The following MRAP2 variants were observed in gnomAD, a reference collection of about 807,000 sequenced individuals.
MRAP2 encodes melanocortin-2 receptor accessory protein 2.
MRAP2 carries 20 observed loss-of-function variants against 17.4 expected under a neutral mutation model. The observed-to-expected ratio is 1.15, with a 90% CI of 0.81 to 1.67. The LOEUF is 1.67. Among genes scored for constraint, MRAP2 ranks in the 40% most tolerant of loss-of-function variants. MRAP2 has a pLI of 0.00. For missense variants in MRAP2, 238 were observed against 240.0 expected (o/e 0.99, Z 0.05); for synonymous variants, 96 against 88.4 (o/e 1.09, Z -0.48).
intron 1 of MRAP2, among the ~76,000 whole-genome samples, chr6:84,038,357 A>C (rs1404312540): frequency 2.0e-5 from 3 of 152,196 alleles, no homozygotes; most frequent in African/African-American, 7.2e-5. Flanking sequence ...ACCTTCCCCC[A>C]ACCCCAGCAG....
intron 1 of MRAP2, among the ~76,000 whole-genome samples, chr6:84,042,582 C>T (rs1301785301): frequency 6.6e-6 from 1 of 152,208 alleles, no homozygotes; most frequent in Non-Finnish European, 1.5e-5. Context: ...ACCCTTAGAC[C>T]TTGGCAAGCT....
At chr6:84,136,751 T>C in the MRAP2 span, among the ~76,000 whole-genome samples, 1 of 152,230 alleles carries the variant, frequency 6.6e-6, no homozygotes, top group Non-Finnish European at 1.5e-5. Flanking sequence ...CTTATTTAAC[T>C]TGATAGCTGT....
chr6:84,116,020 AT>A, the MRAP2 span, among the ~76,000 whole-genome samples: 2 of 152,130 alleles, frequency 1.3e-5, no homozygotes, highest in African/African-American at 4.8e-5. Flanking sequence ...AGCTGTTTCT[AT>A]TTGGCCATCT....
Position 84,062,661 on chromosome 6 carries a change from T to C in MRAP2, c.128-232T>C, listed in dbSNP as rs113791307. The C allele has an allele frequency of 5.6e-3, 5,483 of 985,286 alleles. 243 individuals are homozygous for C. In the African/African-American group the frequency reaches 0.089, roughly 16 times the overall value. The allele number at this position is 985,286 out of a possible 1,614,324, so 61.0% of individuals were successfully genotyped here. A position where few individuals can be genotyped will look rare whatever the true frequency, so the allele number is the denominator to read the frequency against. ...TTCCTTGAGATATGGAAAGCATGAG[T>C]CAATGAGGCCTAAATCCCTTCATGC... On this transcript the variant is annotated intron_variant, in intron 2 of 3. Transcript: ENST00000257776.
At chr6:84,102,892 T>C in the MRAP2 span, among the ~76,000 whole-genome samples, 1 of 152,202 alleles carries the variant, frequency 6.6e-6, no homozygotes, top group African/African-American at 2.4e-5. Flanking sequence ...TTGTAGACTA[T>C]TTGGAGTGAT....
intron 2 of MRAP2, among the ~76,000 whole-genome samples, chr6:84,058,746 A>G (rs1387717040): frequency 6.6e-6 from 1 of 152,222 alleles, no homozygotes; most frequent in Non-Finnish European, 1.5e-5. Flanking sequence ...TACAGAAAGT[A>G]GGAAGAAAAC....
At chr6:84,064,603 T>G (rs1025052085) in intron 3 of MRAP2, among the ~76,000 whole-genome samples, 1 of 152,098 alleles carries the variant, frequency 6.6e-6, no homozygotes, top group African/African-American at 2.4e-5. Context: ...TTCTCCTGCC[T>G]CAGCCTCCCC....
At chr6:84,092,986 C>CTT (rs1285510695), downstream of MRAP2, among the ~76,000 whole-genome samples, 1 of 152,200 alleles carries the variant, frequency 6.6e-6, no homozygotes, top group Non-Finnish European at 1.5e-5. Flanking sequence ...TCTTTTGTGA[C>CTT]TTCTGGCTAC....
chr6:84,078,981 C>T (rs1487263858), intron 3 of MRAP2, among the ~76,000 whole-genome samples: 2 of 152,208 alleles, frequency 1.3e-5, no homozygotes, highest in East Asian at 3.9e-4. Context: ...TAAAATGGTA[C>T]AACTACTTTG....
At chr6:84,049,446 CAAACA>C (rs911803277) in intron 1 of MRAP2, among the ~76,000 whole-genome samples, 8 of 151,928 alleles carry the variant, frequency 5.3e-5, no homozygotes, top group Admixed American at 6.6e-5. Context: ...ACACAAAAAA[CAAACA>C]AAACAACAAC....
the MRAP2 span, among the ~76,000 whole-genome samples, chr6:84,134,209 C>T: frequency 6.6e-5 from 10 of 152,318 alleles, no homozygotes; most frequent in African/African-American, 1.9e-4. Flanking sequence ...CCACTCCCCC[C>T]ACCAAGCTTG....
chr6:84,143,840 T>C, the MRAP2 span, among the ~76,000 whole-genome samples: 2 of 152,018 alleles, frequency 1.3e-5, no homozygotes, highest in Non-Finnish European at 2.9e-5. Context: ...TCTTTACCTT[T>C]AAGTTAATTT....
the MRAP2 span, among the ~76,000 whole-genome samples, chr6:84,120,856 TA>T: frequency 6.6e-6 from 1 of 152,144 alleles, no homozygotes; most frequent in Non-Finnish European, 1.5e-5. Context: ...TTCTTTTACG[TA>T]AAAAATAGCA....
At chr6:84,047,922 A>G (rs1310190661) in intron 1 of MRAP2, among the ~76,000 whole-genome samples, 3 of 152,192 alleles carry the variant, frequency 2.0e-5, no homozygotes, top group Non-Finnish European at 2.9e-5. Flanking sequence ...AATGTTTTCA[A>G]CGTTCATCAA....
chr6:84,070,828 T>A (rs1197256680), intron 3 of MRAP2, among the ~76,000 whole-genome samples: 1 of 152,198 alleles, frequency 6.6e-6, no homozygotes, highest in African/African-American at 2.4e-5. Flanking sequence ...TCCCTCTTTG[T>A]CTCTTTTAAC....
At chr6:84,114,658 G>C in the MRAP2 span, among the ~76,000 whole-genome samples, 1 of 152,044 alleles carries the variant, frequency 6.6e-6, no homozygotes, top group Non-Finnish European at 1.5e-5. Context: ...GAGGCATTCT[G>C]GTTTTTAGAA....
At chr6:84,118,001 G>A in the MRAP2 span, among the ~76,000 whole-genome samples, 78 of 152,342 alleles carry the variant, frequency 5.1e-4, 1 homozygote, top group East Asian at 0.013. Context: ...GCATTTTGGT[G>A]GAACAGTTGT....
intron 3 of MRAP2, among the ~76,000 whole-genome samples, chr6:84,067,737 T>C (rs1454940607): frequency 6.7e-6 from 1 of 149,312 alleles, no homozygotes; most frequent in African/African-American, 2.5e-5. Context: ...ATTGTTTTTT[T>C]TTTTTTTTTT....
At chr6:84,116,884 T>G in the MRAP2 span, among the ~76,000 whole-genome samples, 1 of 152,270 alleles carries the variant, frequency 6.6e-6, no homozygotes, top group Non-Finnish European at 1.5e-5. Context: ...CTGAATTTGG[T>G]TTGCCAGTAT....
Sources: gnomAD v4.1 joint callset for allele counts (sites outside exome capture counted in the v4.1 genomes callset) on GRCh38, gnomAD v4.1.1 for gene constraint, MANE v1.5 for transcripts, NCBI Gene and HGNC (gene_info 2026-07-23, HGNC 2026-07-21) for gene names.